The following NDC1 variants were observed in gnomAD, a reference collection of about 807,000 sequenced individuals.
The protein encoded by NDC1 is nucleoporin NDC1.
A neutral mutation model predicts 89.8 loss-of-function variants in NDC1; 24 were observed. That is an observed-to-expected ratio of 0.27 (90% CI 0.19 to 0.38). The LOEUF (loss-of-function observed/expected upper bound fraction) is 0.38. Ranked by LOEUF, NDC1 falls within the 10% of genes least tolerant of loss-of-function variation. NDC1 has a pLI of 1.00. For missense variants in NDC1, 728 were observed against 797.6 expected, an observed-to-expected ratio of 0.91 and a Z score of 1.05; for synonymous variants, 296 against 284.8, an observed-to-expected ratio of 1.04 and a Z score of -0.39.
chr1:53,832,915 AGTGGG>A (rs1649111480), intron 2 of NDC1, among the ~76,000 whole-genome samples: 1 of 152,046 alleles, frequency 6.6e-6, no homozygotes, highest in Non-Finnish European at 1.5e-5. Flanking sequence ...AGGAGGCTGA[AGTGGG>A]AAGATCACTT....
chr1:53,778,260 TACAC>T (rs202023880), intron 16 of NDC1, among the ~76,000 whole-genome samples: 5,228 of 144,690 alleles, frequency 0.036, 118 homozygotes, highest in African/African-American at 0.07. Flanking sequence ...TGTGTGTATA[TACAC>T]ACACACACAC....
chr1:53,821,922 A>C (rs1250427729), intron 5 of NDC1, among the ~76,000 whole-genome samples: 2 of 152,204 alleles, frequency 1.3e-5, no homozygotes, highest in Non-Finnish European at 2.9e-5. Flanking sequence ...GCCCTACTTC[A>C]TACTAACAGT....
chr1:53,822,664 A>C (rs1648712497), intron 5 of NDC1, among the ~76,000 whole-genome samples: 1 of 151,886 alleles, frequency 6.6e-6, no homozygotes, highest in Admixed American at 6.6e-5. Flanking sequence ...TCAATTTATC[A>C]ATATGATATT....
At position 53,812,213 on chromosome 1, in the gene NDC1, A is replaced by C. The variant is rs191381631; in HGVS notation, c.704-2467T>G. Among the ~76,000 whole-genome samples, 1,297 of 151,924 alleles carry C rather than the reference A, an allele frequency of 8.5e-3. 12 individuals are homozygous for C. The highest frequency in any genetic ancestry group is 0.028 in the African/African-American group (1,139 of 41,330). On this transcript the variant is annotated intron_variant, in intron 6 of 17. Coordinates refer to ENST00000371429, the MANE Select transcript of NDC1 (RefSeq NM_018087.5). ...CTATACAAGGCTCTTCAACACCCCC[A>C]AAAAAAATCACACTAGTTCACCAGT...
chr1:53,819,746 C>A (rs559440817), intron 5 of NDC1, among the ~76,000 whole-genome samples: 10 of 152,270 alleles, frequency 6.6e-5, no homozygotes, highest in Non-Finnish European at 1.3e-4. Flanking sequence ...TCTTTCTGTA[C>A]AACCCTCAGT....
At chr1:53,775,427 T>C (rs1160551939) in intron 16 of NDC1, among the ~76,000 whole-genome samples, 2 of 151,994 alleles carry the variant, frequency 1.3e-5, no homozygotes, top group Non-Finnish European at 2.9e-5. Context: ...CAGCTAATTT[T>C]TTCGTATTTT....
At chr1:53,787,028 G>A (rs538050329) in intron 16 of NDC1, 130 bp downstream of exon 16, 1 of 591,142 alleles carries the variant, frequency 1.7e-6, no homozygotes, top group African/African-American at 1.9e-5. Flanking sequence ...TCCTGAGGGT[G>A]AAAAAGTATC....
At chr1:53,801,249 G>A (rs1449255540) in intron 10 of NDC1, among the ~76,000 whole-genome samples, 1 of 152,114 alleles carries the variant, frequency 6.6e-6, no homozygotes. Flanking sequence ...ACACTACGAT[G>A]TCCAGTGAGA....
chr1:53,777,651 C>A (rs2100624325), intron 16 of NDC1, among the ~76,000 whole-genome samples: 1 of 152,310 alleles, frequency 6.6e-6, no homozygotes, highest in South Asian at 2.1e-4. Context: ...ATTGACTTTT[C>A]TCACTTTAAT....
rs138701178 is a variant in NDC1 at position 53,790,102 on chromosome 1, C to T, written c.1636-906G>A. Reference sequence around the variant, plus strand: ...TGGGATAGCTGGAAGTGGTGGCTCACGCATGTAATCCCAGCACTTTGGGAC... The same window carrying T: ...TGGGATAGCTGGAAGTGGTGGCTCATGCATGTAATCCCAGCACTTTGGGAC... On this transcript the variant is annotated intron_variant, in intron 14 of 17. Coordinates refer to ENST00000371429, the MANE Select transcript of NDC1 (RefSeq NM_018087.5). 2.7e-5 allele frequency among the ~76,000 whole-genome samples: 4 copies of T among 150,712 alleles called. No individual in the cohort carries two copies. The East Asian group carries it at 5.9e-4, about 22-fold the overall frequency.
intron 2 of NDC1, among the ~76,000 whole-genome samples, chr1:53,835,206 T>C (rs1173284985): frequency 6.6e-6 from 1 of 152,180 alleles, no homozygotes; most frequent in African/African-American, 2.4e-5. Context: ...ACAAACAATC[T>C]CAATAAAGCT....
Position 53,812,406 on chromosome 1 carries a change from T to TAGA in NDC1, c.704-2661_704-2660insTCT, listed in dbSNP as rs1208552316. On this transcript the variant is annotated intron_variant, in intron 6 of 17. Coordinates refer to ENST00000371429, the MANE Select transcript of NDC1 (RefSeq NM_018087.5). ...AGAAATATTCATAGAAATAGATAGC[T>TAGA]TAAAGAAAAAACAATAAAAAATTCA... 9.7e-4 allele frequency among the ~76,000 whole-genome samples: 148 copies of TAGA among 152,182 alleles called. 1 individual carries two copies. The highest frequency in any genetic ancestry group is 2.8e-3 in the African/African-American group (116 of 41,542).
chr1:53,786,114 T>C (rs1016667544), intron 16 of NDC1, among the ~76,000 whole-genome samples: 16 of 151,840 alleles, frequency 1.1e-4, no homozygotes, highest in Non-Finnish European at 1.9e-4. Flanking sequence ...TTTGTAGAGA[T>C]AGGGTTTTAC....
intron 6 of NDC1, among the ~76,000 whole-genome samples, chr1:53,817,217 T>C (rs1648512637): frequency 6.6e-6 from 1 of 152,160 alleles, no homozygotes; most frequent in Non-Finnish European, 1.5e-5. Context: ...CAATTCACAA[T>C]AGCAAAATTG....
At chr1:53,795,862 T>C (rs1332958766) in intron 13 of NDC1, among the ~76,000 whole-genome samples, 1 of 152,330 alleles carries the variant, frequency 6.6e-6, no homozygotes, top group Admixed American at 6.5e-5. Flanking sequence ...GACCATACGG[T>C]GACTTTCCAT....
At chr1:53,824,739 G>T (rs1354423249) in intron 5 of NDC1, among the ~76,000 whole-genome samples, 1 of 152,194 alleles carries the variant, frequency 6.6e-6, no homozygotes, top group Non-Finnish European at 1.5e-5. Flanking sequence ...CTGAAAGGTA[G>T]TTTATACTCT....
At chr1:53,785,988 G>A (rs1054584757) in intron 16 of NDC1, among the ~76,000 whole-genome samples, 18 of 151,972 alleles carry the variant, frequency 1.2e-4, no homozygotes, top group African/African-American at 4.1e-4. Flanking sequence ...GCAGTGGCAC[G>A]ATCTCCACTC....
At position 53,819,089 on chromosome 1, in the gene NDC1, A is replaced by G. The variant is rs1470402898; in HGVS notation, c.595-10T>C. ...GCAAGAACTTGTATTGCTGTGGGGA[A>G]AAAAAAAAGAATCAAATGACACATT... On this transcript the variant is annotated splice_polypyrimidine_tract_variant and intron_variant, in intron 5 of 17. Transcript: ENST00000371429. The G allele has an allele frequency of 2.3e-6, 3 of 1,300,270 alleles. No homozygotes were observed. The highest frequency in any genetic ancestry group is 4.1e-5 in the Admixed American group (2 of 49,150). The allele number at this position is 1,300,270 out of a possible 1,614,324, so 80.5% of individuals were successfully genotyped here. A position where few individuals can be genotyped will look rare whatever the true frequency, so the allele number is the denominator to read the frequency against.
intron 9 of NDC1, among the ~76,000 whole-genome samples, chr1:53,805,952 T>C (rs2100662359): frequency 6.6e-6 from 1 of 152,218 alleles, no homozygotes; most frequent in Non-Finnish European, 1.5e-5. Context: ...CGGGCGCCTG[T>C]AATCCCAGCT....
Sources: allele counts gnomAD v4.1 joint callset (sites outside exome capture counted in the v4.1 genomes callset), GRCh38; gene constraint gnomAD v4.1.1; transcripts MANE v1.5; gene names NCBI Gene and HGNC (gene_info 2026-07-23, HGNC 2026-07-21).